The following S100G variants were observed in gnomAD, a reference collection of about 807,000 sequenced individuals.
S100G encodes the protein protein S100-G.
S100G carries 4 observed loss-of-function variants against 4.4 expected under a neutral mutation model. The ratio of observed to expected loss-of-function variants is 0.91; its 90% CI spans 0.45 to 2.09. The LOEUF (loss-of-function observed/expected upper bound fraction) is 2.09. S100G is among the 30% of genes most tolerant of loss of function. The pLI is 0.03. For synonymous variants in S100G, 24 were observed against 20.1 expected (o/e 1.20, Z -0.53); for missense variants, 48 against 49.8 (o/e 0.96, Z 0.11).
At position 16,654,293 on chromosome X, in the gene S100G, A is replaced by G. The variant is rs114496978; in HGVS notation, c.136-112A>G. ...TTAGATGCATGTCACTGGAAACCTG[A>G]GCTGCCTTCTTGGCACACAGACCCC... On this transcript the variant is annotated intron_variant, in intron 2 of 2. Coordinates refer to ENST00000380200, the MANE Select transcript of S100G (RefSeq NM_004057.3). The G allele has an allele frequency of 0.016, 7,455 of 459,440 alleles. 444 individuals are homozygous for G. In the African/African-American group the frequency reaches 0.17, roughly 10 times the overall value. The allele number at this position is 459,440 out of a possible 1,213,427, so 37.9% of individuals were successfully genotyped here. A position where few individuals can be genotyped will look rare whatever the true frequency, so the allele number is the denominator to read the frequency against.
intron 2 of S100G, 138 bp from the exon 3 acceptor site, chrX:16,654,267 A>G: frequency 2.4e-6 from 1 of 411,959 alleles, no homozygotes; most frequent in South Asian, 5.9e-5. Flanking sequence ...TCTGTTAGCT[A>G]TTAGATGCAT....
In S100G at chrX:16,650,887, C is replaced by T. The variant is rs1932587827; in HGVS notation, c.-8-112C>T. ...CCGACATTCTCTTTTCCTTATTCTT[C>T]CCCATTTATGCCAAGGAAATGGCCC... On this transcript the variant is annotated intron_variant, in intron 1 of 2. Coordinates refer to ENST00000380200, the MANE Select transcript of S100G (RefSeq NM_004057.3). The T allele has an allele frequency of 1.4e-5, 8 of 592,193 alleles. No homozygotes were observed. The South Asian group carries it at 2.3e-4, about 17-fold the overall frequency. The allele number at this position is 592,193 out of a possible 1,213,427, so 48.8% of individuals were successfully genotyped here. A position where few individuals can be genotyped will look rare whatever the true frequency, so the allele number is the denominator to read the frequency against.
chrX:16,650,889 C>T, intron 1 of S100G, 110 bp from the exon 2 acceptor site: 2 of 600,524 alleles, frequency 3.3e-6, no homozygotes, highest in Non-Finnish European at 5.4e-6. Flanking sequence ...TTATTCTTCC[C>T]CATTTATGCC....
intron 1 of S100G, 83 bp downstream of exon 1, chrX:16,650,286 T>G (rs965429235): frequency 1.2e-4 from 13 of 111,112 alleles, no homozygotes; most frequent in Non-Finnish European, 1.9e-5. Context: ...TGAAAGATAA[T>G]GGTCTGGAGA....
Position 16,651,022 on chromosome X carries a change from T to C in S100G, c.16T>C (p.Ser6Pro). The C allele has an allele frequency of 8.3e-7, 1 of 1,206,148 alleles. No homozygotes were observed. Among genetic ancestry groups the C allele is most frequent in the Non-Finnish European group, 1.1e-6 (1 of 891,244 alleles). MSTKK[S>P]PEELKRIFEK... is the part of the protein sequence containing the mutation. ...AGACACCAGAATGAGTACTAAAAAG[T>C]CTCCTGAGGAACTGAAGAGGATTTT... Residue 6 changes from serine to proline, a missense_variant, in exon 2 of 3, where the codon TCT becomes CCT. Coordinates refer to ENST00000380200, the MANE Select transcript of S100G (RefSeq NM_004057.3).
At position 16,654,573 on chromosome X, in the gene S100G, A is replaced by G; in HGVS notation, c.*64A>G. The G allele has an allele frequency of 1.7e-6, 1 of 603,054 alleles. No homozygotes were observed. The highest frequency in any genetic ancestry group is 2.6e-6 in the Non-Finnish European group (1 of 384,381). 49.7% of individuals were successfully genotyped at this position (603,054 alleles called of 1,213,427 possible). A position where few individuals can be genotyped will look rare whatever the true frequency, so the allele number is the denominator to read the frequency against. On this transcript the variant is annotated 3_prime_UTR_variant, in exon 3 of 3. Coordinates refer to ENST00000380200, the MANE Select transcript of S100G (RefSeq NM_004057.3). ...AGCGCCTGTGCTGTGGTCTTATCCT[A>G]TGTGGAATCCCCCAAAGTCTCTGGT... is the stretch of plus-strand genomic sequence containing the variant.
At chrX:16,654,292 G>A in intron 2 of S100G, 113 bp from the exon 3 acceptor site, 1 of 460,028 alleles carries the variant, frequency 2.2e-6, no homozygotes, top group Non-Finnish European at 3.7e-6. Context: ...CTGGAAACCT[G>A]AGCTGCCTTC....
intron 1 of S100G, among the ~76,000 whole-genome samples, chrX:16,650,581 G>A (rs1307311458): frequency 3.2e-5 from 3 of 94,075 alleles, no homozygotes; most frequent in East Asian, 3.4e-4. Context: ...CAGTGGCATC[G>A]CACTCACTGC....
At chrX:16,652,661 G>A (rs1252866908) in intron 2 of S100G, among the ~76,000 whole-genome samples, 2 of 112,123 alleles carry the variant, frequency 1.8e-5, no homozygotes, top group Non-Finnish European at 3.8e-5. Context: ...AAGGTAACAC[G>A]GGTAACTTTT....
intron 2 of S100G, among the ~76,000 whole-genome samples, chrX:16,653,001 T>C (rs1045356331): frequency 1.8e-5 from 2 of 111,564 alleles, no homozygotes; most frequent in Non-Finnish European, 3.8e-5. Context: ...TCCATAGAGA[T>C]GTGCTGCACA....
At position 16,654,571 on chromosome X, in the gene S100G, CT is replaced by C; in HGVS notation, c.*63del. 1 of 624,685 alleles carries C rather than the reference CT, an allele frequency of 1.6e-6. No homozygotes were observed. The highest frequency in any genetic ancestry group is 2.5e-6 in the Non-Finnish European group (1 of 402,791). 51.5% of individuals were successfully genotyped at this position (624,685 alleles called of 1,213,427 possible). On this transcript the variant is annotated 3_prime_UTR_variant, in exon 3 of 3. Coordinates refer to ENST00000380200, the MANE Select transcript of S100G (RefSeq NM_004057.3). ...AGAGCGCCTGTGCTGTGGTCTTATCCTATGTGGAATCCCCCAAAGTCTCTGG... is the reference window on the plus strand; with the variant it reads ...AGAGCGCCTGTGCTGTGGTCTTATCCATGTGGAATCCCCCAAAGTCTCTGG...
intron 1 of S100G, 142 bp from the exon 2 acceptor site, chrX:16,650,857 C>T (rs946684306): frequency 2.0e-5 from 10 of 499,877 alleles, no homozygotes; most frequent in South Asian, 6.6e-5. Flanking sequence ...GGTGCCATTC[C>T]GACCCCGACA....
chrX:16,651,183 T>A, intron 2 of S100G, 42 bp downstream of exon 2: 1 of 262,057 alleles, frequency 3.8e-6, no homozygotes, highest in Non-Finnish European at 7.6e-6. Flanking sequence ...GGACTGATGG[T>A]GGGAGGGGAG....
chrX:16,651,109 T>C lies in S100G; in HGVS notation c.103T>C (p.Leu35=), dbSNP rs1005147530. 1 of 1,209,962 alleles carries C rather than the reference T, an allele frequency of 8.3e-7. No individual in the cohort carries two copies. Among genetic ancestry groups the C allele is most frequent in the Non-Finnish European group, 1.1e-6 (1 of 894,379 alleles). The change falls in exon 2 of 3, where the codon TTG becomes CTG. Residue 35 remains leucine, a synonymous_variant. Coordinates refer to ENST00000380200, the MANE Select transcript of S100G (RefSeq NM_004057.3). The stretch of plus-strand genomic sequence containing the variant: ...GTTGTCAAAGGATGAACTGAAGCTA[T>C]TGATTCAGGCTGAATTCCCCAGTTT... ...DQLSKDELKL[L]IQAEFPSLLK... is the part of the protein sequence containing the mutation.
intron 1 of S100G, 45 bp downstream of exon 1, chrX:16,650,248 T>TAATACTCTGCTA (rs1303384067): frequency 9.0e-6 from 1 of 111,702 alleles, no homozygotes; most frequent in Non-Finnish European, 1.9e-5. Context: ...CTGTTTGCAT[T>TAATACTCTGCTA]AATACTCTGC....
chrX:16,650,952 C>A, intron 1 of S100G, 47 bp from the exon 2 acceptor site: 1 of 1,127,211 alleles, frequency 8.9e-7, no homozygotes, highest in Non-Finnish European at 1.2e-6. Context: ...CAGCACAAAA[C>A]TGTACTTCAG....
chrX:16,653,808 C>T (rs1932758010), intron 2 of S100G, among the ~76,000 whole-genome samples: 1 of 112,209 alleles, frequency 8.9e-6, no homozygotes, highest in African/African-American at 3.2e-5. Context: ...GGGTTGAGCT[C>T]TGGAGTCAAC....
At chrX:16,654,324 C>T (rs1416171222) in intron 2 of S100G, 81 bp from the exon 3 acceptor site, 4 of 640,018 alleles carry the variant, frequency 6.2e-6, no homozygotes, top group Non-Finnish European at 9.5e-6. Context: ...ACCCCAAGGC[C>T]TCTAATTTCT....
In S100G at chrX:16,654,405, G is replaced by C. The variant is rs200041601; in HGVS notation, c.136G>C (p.Gly46Arg). The change falls in exon 3 of 3, where the codon GGT becomes CGT. Residue 46 changes from glycine to arginine, a missense_variant and splice_region_variant. Transcript: ENST00000380200. ...TCCCATCCTTTTTTATGTAAAACAGGGTCCAAACACCCTAGATGATCTCTT... is the reference window on the plus strand; with the variant it reads ...TCCCATCCTTTTTTATGTAAAACAGCGTCCAAACACCCTAGATGATCTCTT... ...IQAEFPSLLK[G>R]PNTLDDLFQE... is the part of the protein sequence containing the mutation. The C allele has an allele frequency of 9.5e-6, 11 of 1,153,102 alleles. No individual in the cohort carries two copies. The highest frequency in any genetic ancestry group is 1.2e-6 in the Non-Finnish European group (1 of 859,689).
Sources: gnomAD v4.1 joint callset for allele counts (sites outside exome capture counted in the v4.1 genomes callset) on GRCh38, gnomAD v4.1.1 for gene constraint, MANE v1.5 for transcripts, NCBI Gene and HGNC (gene_info 2026-07-23, HGNC 2026-07-21) for gene names.